The following DLG2 variants were observed in gnomAD, a reference collection of about 807,000 sequenced individuals.
DLG2 encodes disks large homolog 2.
Under a neutral mutation model 132.5 loss-of-function variants are expected in DLG2, and 45 were observed. The ratio of observed to expected loss-of-function variants is 0.34; its 90% CI spans 0.27 to 0.44. The LOEUF (loss-of-function observed/expected upper bound fraction) is 0.44, where lower values mean the gene tolerates loss of function less well. Ranked by LOEUF, DLG2 falls within the 20% of genes least tolerant of loss-of-function variation. The pLI is 1.00. For synonymous variants in DLG2, 424 were observed against 419.6 expected (o/e 1.01, Z -0.13); for missense variants, 1,045 against 1,196.9 (o/e 0.87, Z 1.87).
rs116054070 is a variant in DLG2, at chr11:84,640,813, G to A, written c.358-106082C>T. Reference sequence around the variant, plus strand: ...AAATTAGCCAAGCGTGGTGGTGCACGCATGTAATTCCAGCTACTCAGGAGG... The same window carrying A: ...AAATTAGCCAAGCGTGGTGGTGCACACATGTAATTCCAGCTACTCAGGAGG... On this transcript the variant is annotated intron_variant, in intron 6 of 27. Coordinates refer to ENST00000376104, the MANE Select transcript of DLG2 (RefSeq NM_001142699.3). Among the ~76,000 whole-genome samples, 435 of 152,036 alleles carry A rather than the reference G, an allele frequency of 2.9e-3. 1 individual carries two copies. Among genetic ancestry groups the A allele is most frequent in the African/African-American group, 1.0e-2 (413 of 41,474 alleles).
chr11:84,072,267 A>G (rs1594661477), intron 10 of DLG2, among the ~76,000 whole-genome samples: 1 of 152,172 alleles, frequency 6.6e-6, no homozygotes, highest in Non-Finnish European at 1.5e-5. Flanking sequence ...CTCTTGCTAT[A>G]TAAGTAGTTT....
intron 11 of DLG2, among the ~76,000 whole-genome samples, chr11:84,025,510 A>T (rs191598257): frequency 1.3e-5 from 2 of 152,276 alleles, no homozygotes; most frequent in East Asian, 3.9e-4. Context: ...ATACTTGAAT[A>T]TGGTTCTTTG....
chr11:85,286,991 T>G (rs558699122), intron 3 of DLG2, among the ~76,000 whole-genome samples: 1 of 152,108 alleles, frequency 6.6e-6, no homozygotes, highest in Admixed American at 6.6e-5. Flanking sequence ...TGGAGCAATT[T>G]GAGCAAAAAC....
chr11:84,596,330 C>T (rs2099557023), intron 6 of DLG2, among the ~76,000 whole-genome samples: 1 of 151,722 alleles, frequency 6.6e-6, no homozygotes, highest in South Asian at 2.1e-4. Context: ...GCCTCAGCCT[C>T]CTAAGTAGTT....
chr11:84,970,240 G>C (rs1273096263), intron 6 of DLG2, among the ~76,000 whole-genome samples: 1 of 151,892 alleles, frequency 6.6e-6, no homozygotes, highest in Non-Finnish European at 1.5e-5. Flanking sequence ...TTTTAAAGTA[G>C]TTGAAGACAA....
intron 21 of DLG2, among the ~76,000 whole-genome samples, chr11:83,491,964 C>T (rs1445565211): frequency 1.4e-4 from 22 of 152,034 alleles, no homozygotes; most frequent in Admixed American, 1.4e-3. Flanking sequence ...CAATCCAGCC[C>T]ACTATGTGTT....
intron 3 of DLG2, among the ~76,000 whole-genome samples, chr11:85,512,365 T>C (rs1027991624): frequency 1.3e-5 from 2 of 152,052 alleles, no homozygotes; most frequent in African/African-American, 4.8e-5. Context: ...AACTGTAGAG[T>C]GGAATGCATA....
intron 20 of DLG2, among the ~76,000 whole-genome samples, chr11:83,533,947 A>G (rs994159578): frequency 1.3e-5 from 2 of 152,176 alleles, no homozygotes; most frequent in Non-Finnish European, 2.9e-5. Context: ...CTGGGGGCCT[A>G]TTTAGAAGCT....
intron 7 of DLG2, among the ~76,000 whole-genome samples, chr11:84,365,772 C>T (rs2098678689): frequency 6.6e-6 from 1 of 151,876 alleles, no homozygotes; most frequent in African/African-American, 2.4e-5. Context: ...GTTATGTACC[C>T]AGTAGTCATT....
chr11:83,837,237 G>A (rs1255771841), intron 16 of DLG2, among the ~76,000 whole-genome samples: 1 of 152,144 alleles, frequency 6.6e-6, no homozygotes, highest in Admixed American at 6.5e-5. Flanking sequence ...AATATTAGGA[G>A]TAGGGGAATG....
At chr11:85,485,896 GAC>G (rs994593453) in intron 3 of DLG2, among the ~76,000 whole-genome samples, 1 of 152,182 alleles carries the variant, frequency 6.6e-6, no homozygotes, top group African/African-American at 2.4e-5. Flanking sequence ...AGGCAGGACT[GAC>G]ACAGCCAGTG....
intron 3 of DLG2, among the ~76,000 whole-genome samples, chr11:85,409,415 A>G (rs924754016): frequency 6.6e-6 from 1 of 151,916 alleles, no homozygotes; most frequent in African/African-American, 2.4e-5. Context: ...GAATATAAAA[A>G]TGTCTACATC....
At chr11:84,943,658 T>C (rs975528048) in intron 6 of DLG2, among the ~76,000 whole-genome samples, 1 of 152,190 alleles carries the variant, frequency 6.6e-6, no homozygotes, top group Non-Finnish European at 1.5e-5. Flanking sequence ...GATTTTTAAC[T>C]TTTTATTGTT....
intron 3 of DLG2, among the ~76,000 whole-genome samples, chr11:85,565,836 T>C (rs1389215840): frequency 6.6e-6 from 1 of 152,142 alleles, no homozygotes; most frequent in East Asian, 1.9e-4. Context: ...TTTGTGTAAA[T>C]ATATATATTT....
At position 84,046,888 on chromosome 11, in the gene DLG2, T is replaced by C. The variant is rs143508180; in HGVS notation, c.919+12427A>G. 5.9e-3 allele frequency among the ~76,000 whole-genome samples: 897 copies of C among 151,778 alleles called. 10 individuals are homozygous for C. Among genetic ancestry groups the C allele is most frequent in the African/African-American group, 0.02 (810 of 41,516 alleles). On this transcript the variant is annotated intron_variant, in intron 11 of 27. Coordinates refer to ENST00000376104, the MANE Select transcript of DLG2 (RefSeq NM_001142699.3). ...AGTATCTATCTACAATTGAGTTATG[T>C]TCAGAGACAAAGTCTATGTAGTACA...
In DLG2 at chr11:84,502,277, T is replaced by G. The variant is rs768155790; in HGVS notation, c.519+32293A>C. 7.6e-3 allele frequency among the ~76,000 whole-genome samples: 461 copies of G among 60,846 alleles called. 38 individuals carry two copies. The highest frequency in any genetic ancestry group is 8.6e-3 in the Non-Finnish European group (295 of 34,154). 39.9% of individuals were successfully genotyped at this position (60,846 alleles called of 152,430 possible). On this transcript the variant is annotated intron_variant, in intron 7 of 27. Transcript: ENST00000376104. ...TTCCTTCCTTCCTTCCTTCCTTCCT[T>G]CCTTCTTTCTTTCTTTCTTTCTTTC... is the stretch of plus-strand genomic sequence containing the variant.
At chr11:83,721,082 C>T (rs2088421500) in intron 18 of DLG2, 1 of 151,970 alleles carries the variant, frequency 6.6e-6, no homozygotes, top group Non-Finnish European at 1.5e-5. Flanking sequence ...ATGACTTGTT[C>T]AAAGGGAGAT....
intron 15 of DLG2, among the ~76,000 whole-genome samples, chr11:83,886,977 A>T (rs2068085646): frequency 1.3e-5 from 2 of 152,054 alleles, no homozygotes; most frequent in Admixed American, 1.3e-4. Context: ...ATAGCACTAA[A>T]TGCCCACAAG....
intron 25 of DLG2, 38 bp downstream of exon 25, chr11:83,469,163 C>A: frequency 2.7e-6 from 4 of 1,477,128 alleles, no homozygotes; most frequent in Non-Finnish European, 3.6e-6. Context: ...ACCTAGAAAC[C>A]TTCTTCAGGG....
Sources: allele counts gnomAD v4.1 joint callset (sites outside exome capture counted in the v4.1 genomes callset), GRCh38; gene constraint gnomAD v4.1.1; transcripts MANE v1.5; gene names NCBI Gene and HGNC (gene_info 2026-07-23, HGNC 2026-07-21).